Variants in GPC5 observed in about 807,000 individuals in gnomAD.
GPC5 encodes the protein glypican-5.
In GPC5, 47 loss-of-function variants were observed where a neutral mutation model predicts 53.9. The observed-to-expected ratio is 0.87, with a 90% CI of 0.69 to 1.11. The LOEUF is 1.11. GPC5 is among the 50% of genes most tolerant of loss of function. The pLI is 0.00. For missense variants in GPC5, 748 were observed against 713.1 expected (o/e 1.05, Z -0.56); for synonymous variants, 286 against 263.3 (o/e 1.09, Z -0.84).
chr13:91,731,622 T>C (rs2036699953), intron 4 of GPC5, among the ~76,000 whole-genome samples: 1 of 152,108 alleles, frequency 6.6e-6, no homozygotes, highest in Admixed American at 6.5e-5. Context: ...CCTATCAACC[T>C]GTCCTCTAGG....
chr13:91,908,439 C>T (rs986234107), intron 6 of GPC5, among the ~76,000 whole-genome samples: 2 of 151,996 alleles, frequency 1.3e-5, no homozygotes, highest in African/African-American at 4.8e-5. Flanking sequence ...CTGAATGTTA[C>T]TGTGAAGGTT....
At chr13:92,124,397 T>TA (rs1446773784) in intron 6 of GPC5, among the ~76,000 whole-genome samples, 11 of 152,090 alleles carry the variant, frequency 7.2e-5, no homozygotes, top group Non-Finnish European at 1.3e-4. Flanking sequence ...AGAAACTGTT[T>TA]AAAAAAGGTT....
At chr13:91,746,499 G>A (rs2037053808) in intron 4 of GPC5, among the ~76,000 whole-genome samples, 1 of 151,980 alleles carries the variant, frequency 6.6e-6, no homozygotes, top group Non-Finnish European at 1.5e-5. Context: ...GTATTCAATG[G>A]AAAAAAAGAG....
intron 7 of GPC5, among the ~76,000 whole-genome samples, chr13:92,620,298 A>C (rs1884830153): frequency 6.6e-6 from 1 of 152,116 alleles, no homozygotes; most frequent in East Asian, 1.9e-4. Context: ...GAGGCAAAAA[A>C]CAAAATATTT....
chr13:92,212,430 A>G (rs1416400699), intron 7 of GPC5, among the ~76,000 whole-genome samples: 3 of 152,202 alleles, frequency 2.0e-5, no homozygotes, highest in African/African-American at 7.2e-5. Flanking sequence ...AGTAATAATG[A>G]GGGAAAACAG....
chr13:91,710,152 A>T (rs540473891), intron 3 of GPC5, among the ~76,000 whole-genome samples: 1 of 152,192 alleles, frequency 6.6e-6, no homozygotes, highest in Non-Finnish European at 1.5e-5. Flanking sequence ...AGACTTTGTC[A>T]TTTGTTTATC....
chr13:92,228,546 T>C (rs2042505947), intron 7 of GPC5, among the ~76,000 whole-genome samples: 1 of 152,116 alleles, frequency 6.6e-6, no homozygotes, highest in Admixed American at 6.5e-5. Flanking sequence ...ATGTGAGAAT[T>C]TGGTTTCAAG....
intron 2 of GPC5, among the ~76,000 whole-genome samples, chr13:91,612,400 A>G (rs1316031970): frequency 6.6e-6 from 1 of 151,946 alleles, no homozygotes; most frequent in Non-Finnish European, 1.5e-5. Context: ...GATTTTGATA[A>G]GTTTTCCATC....
intron 7 of GPC5, among the ~76,000 whole-genome samples, chr13:92,522,408 C>G (rs571183991): frequency 6.6e-6 from 1 of 152,198 alleles, no homozygotes; most frequent in Admixed American, 6.5e-5. Flanking sequence ...GAAAATGTGG[C>G]GCATATACAC....
intron 5 of GPC5, among the ~76,000 whole-genome samples, chr13:91,888,541 A>C (rs1392727352): frequency 6.6e-6 from 1 of 152,184 alleles, no homozygotes; most frequent in Non-Finnish European, 1.5e-5. Context: ...AGCTCTGCTA[A>C]GGTAAAGTGG....
chr13:91,624,516 CAT>C (rs1360359204), intron 2 of GPC5, among the ~76,000 whole-genome samples: 5 of 151,914 alleles, frequency 3.3e-5, no homozygotes, highest in Admixed American at 1.3e-4. Flanking sequence ...TAATTGAAGA[CAT>C]AGAAGATTCA....
At position 91,446,192 on chromosome 13, in the gene GPC5, C is replaced by G. The variant is rs966472090; in HGVS notation, c.164-2569C>G. ...CTATGCTGCCACTGCCACCATATTT[C>G]CAGAATACCTCCTGATGTTCCTATT... is the stretch of plus-strand genomic sequence containing the variant. On this transcript the variant is annotated intron_variant, in intron 1 of 7. Transcript: ENST00000377067. Among the ~76,000 whole-genome samples the G allele has an allele frequency of 3.3e-5, 5 of 152,210 alleles. No homozygotes were observed. In the East Asian group the frequency reaches 7.7e-4, roughly 23 times the overall value.
In GPC5 at chr13:92,613,437, TA is replaced by T. The variant is rs376201870; in HGVS notation, c.1562-252842del. Among the ~76,000 whole-genome samples, 83 of 12,950 alleles carry T rather than the reference TA, an allele frequency of 6.4e-3. 1 individual carries two copies. Among genetic ancestry groups the T allele is most frequent in the Non-Finnish European group, 1.8e-3 (11 of 6,166 alleles). 8.5% of individuals were successfully genotyped at this position (12,950 alleles called of 152,430 possible). On this transcript the variant is annotated intron_variant, in intron 7 of 7. Transcript: ENST00000377067. ...TATAAATATGATATATATTTATATA[TA>T]AATATATATATTTATATATAAATAT...
chr13:92,095,078 G>A (rs1398524985), intron 6 of GPC5, among the ~76,000 whole-genome samples: 1 of 152,060 alleles, frequency 6.6e-6, no homozygotes, highest in Non-Finnish European at 1.5e-5. Context: ...TTTCTGAGTT[G>A]GGAACCAGAG....
chr13:91,854,829 ATTTATACTG>A (rs2038949988), intron 5 of GPC5, among the ~76,000 whole-genome samples: 1 of 151,792 alleles, frequency 6.6e-6, no homozygotes, highest in Admixed American at 6.6e-5. Context: ...TAAGCCTCAA[ATTTATACTG>A]TTAATAGACA....
chr13:92,808,281 C>A (rs1307412705), intron 7 of GPC5, among the ~76,000 whole-genome samples: 4 of 152,076 alleles, frequency 2.6e-5, no homozygotes, highest in Admixed American at 2.6e-4. Context: ...GAAACTTAAA[C>A]ACACAAGTGT....
At chr13:92,464,429 T>G (rs2139414077) in intron 7 of GPC5, among the ~76,000 whole-genome samples, 1 of 152,248 alleles carries the variant, frequency 6.6e-6, no homozygotes, top group Non-Finnish European at 1.5e-5. Context: ...GATAAGTAAA[T>G]AATAAACTCC....
intron 7 of GPC5, among the ~76,000 whole-genome samples, chr13:92,432,955 A>T (rs946515774): frequency 1.6e-4 from 24 of 152,190 alleles, no homozygotes; most frequent in African/African-American, 5.5e-4. Context: ...AGGTGAGCTT[A>T]TTAGAGAAAC....
At chr13:92,729,772 G>C (rs1022482205) in intron 7 of GPC5, among the ~76,000 whole-genome samples, 1 of 151,202 alleles carries the variant, frequency 6.6e-6, no homozygotes, top group Non-Finnish European at 1.5e-5. Flanking sequence ...TCCAGAGTCT[G>C]ATTTATCCTG....
Sources: allele counts gnomAD v4.1 joint callset (sites outside exome capture counted in the v4.1 genomes callset), GRCh38; gene constraint gnomAD v4.1.1; transcripts MANE v1.5; gene names NCBI Gene and HGNC (gene_info 2026-07-23, HGNC 2026-07-21).